ERC2: variants seen among roughly 807,000 people sequenced by gnomAD.
ERC2 encodes ELKS/RAB6-interacting/CAST family member 2.
ERC2 carries 42 observed loss-of-function variants against 114.8 expected under a neutral mutation model. The ratio of observed to expected loss-of-function variants is 0.37; its 90% CI spans 0.29 to 0.47. ERC2 has a LOEUF of 0.47. Among genes scored for constraint, ERC2 ranks in the 20% least tolerant of loss-of-function variants. The pLI, the probability that ERC2 is intolerant of heterozygous loss-of-function variation, is 0.99. For synonymous variants in ERC2, 454 were observed against 425.5 expected, an observed-to-expected ratio of 1.07 and a Z score of -0.82; for missense variants, 939 against 1,150.7, an observed-to-expected ratio of 0.82 and a Z score of 2.66.
chr3:56,372,861 A>G (rs1418627979), intron 2 of ERC2, among the ~76,000 whole-genome samples: 2 of 152,204 alleles, frequency 1.3e-5, no homozygotes, highest in Non-Finnish European at 2.9e-5. Flanking sequence ...CTTAAAACCC[A>G]TATTTGACTG....
At chr3:56,377,079 T>C (rs1415205944) in intron 2 of ERC2, among the ~76,000 whole-genome samples, 1 of 152,190 alleles carries the variant, frequency 6.6e-6, no homozygotes, top group African/African-American at 2.4e-5. Flanking sequence ...TTTACTGTCC[T>C]GTTTCTCCGA....
At chr3:55,644,600 A>AT (rs1369445246) in intron 17 of ERC2, among the ~76,000 whole-genome samples, 1 of 152,176 alleles carries the variant, frequency 6.6e-6, no homozygotes, top group Non-Finnish European at 1.5e-5. Flanking sequence ...ATATAAAGTC[A>AT]TCTGGCAATT....
intron 17 of ERC2, among the ~76,000 whole-genome samples, chr3:55,553,397 A>G (rs561951954): frequency 6.6e-6 from 1 of 152,246 alleles, no homozygotes; most frequent in Admixed American, 6.5e-5. Context: ...AACACCCCAC[A>G]TTAAGAATTT....
At chr3:56,133,432 G>A (rs1253920724) in intron 6 of ERC2, among the ~76,000 whole-genome samples, 4 of 151,960 alleles carry the variant, frequency 2.6e-5, no homozygotes, top group African/African-American at 7.2e-5. Context: ...GCAAGACCCC[G>A]CTGCAAAAAA....
chr3:55,907,194 T>C (rs1417340243), intron 13 of ERC2, among the ~76,000 whole-genome samples: 1 of 152,192 alleles, frequency 6.6e-6, no homozygotes, highest in African/African-American at 2.4e-5. Context: ...GATTTATCAG[T>C]AGGCTAGTAG....
At chr3:56,375,408 T>C (rs936048294) in intron 2 of ERC2, among the ~76,000 whole-genome samples, 2 of 152,184 alleles carry the variant, frequency 1.3e-5, no homozygotes, top group South Asian at 2.1e-4. Flanking sequence ...AGGAAGACAC[T>C]GGTGGCTAGA....
At chr3:56,186,155 C>T (rs1019335402) in intron 3 of ERC2, among the ~76,000 whole-genome samples, 8 of 139,016 alleles carry the variant, frequency 5.8e-5, no homozygotes, top group Non-Finnish European at 1.1e-4. Flanking sequence ...GAGCACAGCC[C>T]TGATGATACT....
chr3:55,948,423 T>TA (rs1257717135), intron 13 of ERC2, among the ~76,000 whole-genome samples: 2 of 152,166 alleles, frequency 1.3e-5, no homozygotes, highest in Non-Finnish European at 2.9e-5. Flanking sequence ...ATAGCAATAT[T>TA]AAAAAAGGCA....
intron 17 of ERC2, among the ~76,000 whole-genome samples, chr3:55,672,947 T>G (rs2061626057): frequency 6.6e-6 from 1 of 152,134 alleles, no homozygotes; most frequent in African/African-American, 2.4e-5. Flanking sequence ...ATTCATAATT[T>G]TTAAAAATAA....
intron 5 of ERC2, 45 bp from the exon 6 acceptor site, chr3:56,139,721 C>T: frequency 6.5e-7 from 1 of 1,543,114 alleles, no homozygotes; most frequent in Middle Eastern, 1.8e-4. Context: ...AATTGCTGCC[C>T]CTACACTTTA....
In ERC2 at chr3:55,895,403, G is replaced by A. The variant is rs76045854; in HGVS notation, c.2404-6854C>T. Among the ~76,000 whole-genome samples, 708 of 152,248 alleles carry A rather than the reference G, an allele frequency of 4.7e-3. 8 individuals are homozygous for A. The highest frequency in any genetic ancestry group is 0.016 in the African/African-American group (670 of 41,528). On this transcript the variant is annotated intron_variant, in intron 13 of 17. Coordinates refer to ENST00000288221, the MANE Select transcript of ERC2 (RefSeq NM_015576.3). ...GCCTACAGATCCTCCCCTTTAAAGT[G>A]GAGAGGAAGCAGAAGCAGCCACACA...
At chr3:55,831,415 A>G (rs1575754703) in intron 14 of ERC2, among the ~76,000 whole-genome samples, 1 of 47,236 alleles carries the variant, frequency 2.1e-5, no homozygotes, top group Non-Finnish European at 3.7e-5. Flanking sequence ...AGGGAAGGGG[A>G]GGGGAAGGGA....
At chr3:55,664,406 A>T (rs148431948) in intron 17 of ERC2, among the ~76,000 whole-genome samples, 2 of 152,258 alleles carry the variant, frequency 1.3e-5, no homozygotes, top group African/African-American at 4.8e-5. Flanking sequence ...TGTTTTCCCC[A>T]TTTCGTCATA....
rs2061525081 is a variant in ERC2, at chr3:55,850,502, C to G, written c.2564+37887G>C. Among the ~76,000 whole-genome samples the G allele has an allele frequency of 2.0e-5, 3 of 152,122 alleles. No individual in the cohort carries two copies. In the South Asian group the frequency reaches 6.2e-4, roughly 32 times the overall value. ...AGGCCTCCCAATCTTCCTAAGACCT[C>G]ATGGGTGGTAAAAGACAGAGCTAGT... On this transcript the variant is annotated intron_variant, in intron 14 of 17. Transcript: ENST00000288221.
chr3:56,349,007 G>A (rs920847906), intron 2 of ERC2, among the ~76,000 whole-genome samples: 2 of 151,890 alleles, frequency 1.3e-5, no homozygotes, highest in African/African-American at 4.8e-5. Flanking sequence ...AAAGAATTTA[G>A]TAACAGAAGA....
At chr3:56,309,964 G>T (rs1388128132) in intron 2 of ERC2, among the ~76,000 whole-genome samples, 1 of 152,140 alleles carries the variant, frequency 6.6e-6, no homozygotes, top group Admixed American at 6.5e-5. Context: ...AAGCGCTTTG[G>T]CATTTTTTTA....
chr3:56,219,737 T>TGCTG (rs2049772082), intron 3 of ERC2, among the ~76,000 whole-genome samples: 1 of 141,662 alleles, frequency 7.1e-6, no homozygotes, highest in African/African-American at 2.6e-5. Flanking sequence ...CAGAAAGACA[T>TGCTG]GCTGCCTTGG....
intron 12 of ERC2, among the ~76,000 whole-genome samples, chr3:55,979,929 C>G (rs1019649478): frequency 1.3e-5 from 2 of 150,772 alleles, no homozygotes; most frequent in Non-Finnish European, 2.9e-5. Context: ...GGAAACAGAG[C>G]GAGACCCTAT....
intron 14 of ERC2, among the ~76,000 whole-genome samples, chr3:55,827,404 AAGAG>A (rs1187331266): frequency 5.3e-5 from 8 of 151,944 alleles, no homozygotes; most frequent in South Asian, 2.1e-4. Context: ...AAGAGAGAAA[AAGAG>A]AGAAAGAGGG....
Sources: allele counts gnomAD v4.1 joint callset (sites outside exome capture counted in the v4.1 genomes callset), GRCh38; gene constraint gnomAD v4.1.1; transcripts MANE v1.5; gene names NCBI Gene and HGNC (gene_info 2026-07-23, HGNC 2026-07-21).